FOXO3: variants seen among roughly 807,000 people sequenced by gnomAD.
FOXO3 encodes forkhead box O3.
In FOXO3, 4 loss-of-function variants were observed where a neutral mutation model predicts 41.9. That is an observed-to-expected ratio of 0.10 (90% CI 0.05 to 0.22). FOXO3 has a LOEUF of 0.22. Ranked by LOEUF, FOXO3 falls within the 10% of genes least tolerant of loss-of-function variation. The pLI is 1.00. For missense variants in FOXO3, 534 were observed against 906.8 expected, an observed-to-expected ratio of 0.59 and a Z score of 5.28; for synonymous variants, 318 against 389.3, an observed-to-expected ratio of 0.82 and a Z score of 2.16.
intron 1 of FOXO3, among the ~76,000 whole-genome samples, chr6:108,613,363 T>G (rs1253979052): frequency 2.3e-5 from 1 of 42,926 alleles, no homozygotes; most frequent in Non-Finnish European, 1.4e-4. Flanking sequence ...AGCCTGGAGT[T>G]TTTTTGTGTG....
chr6:108,636,301 A>C (rs1479317925), intron 1 of FOXO3, among the ~76,000 whole-genome samples: 1 of 152,232 alleles, frequency 6.6e-6, no homozygotes, highest in Non-Finnish European at 1.5e-5. Context: ...TTGATCTCAC[A>C]GAGAATACAG....
intron 1 of FOXO3, among the ~76,000 whole-genome samples, chr6:108,632,757 G>GTGTA (rs1778010284): frequency 6.6e-6 from 1 of 152,174 alleles, no homozygotes; most frequent in African/African-American, 2.4e-5. Flanking sequence ...GCCAAGTACA[G>GTGTA]TGTAGAAAAC....
intron 1 of FOXO3, chr6:108,639,615 G>A: frequency 1.0e-6 from 1 of 983,940 alleles, no homozygotes; most frequent in Non-Finnish European, 1.2e-6. Flanking sequence ...AACAGGTTTG[G>A]TTTGCTCCTG....
intron 1 of FOXO3, among the ~76,000 whole-genome samples, chr6:108,629,696 T>C (rs1430517525): frequency 6.6e-6 from 1 of 152,126 alleles, no homozygotes; most frequent in Non-Finnish European, 1.5e-5. Flanking sequence ...ACAGGAGATA[T>C]TAAGTAAGAA....
Position 108,680,617 on chromosome 6 carries a change from C to T in FOXO3, c.*825C>T, listed in dbSNP as rs1400209593. The stretch of plus-strand genomic sequence containing the variant: ...AGGGCCTGTGATTTCCTGTCAGTGT[C>T]CTCAGCTAATGTGAACAGTGTTGGT... On this transcript the variant is annotated 3_prime_UTR_variant, in exon 3 of 3. Coordinates refer to ENST00000406360, the MANE Select transcript of FOXO3 (RefSeq NM_001455.4). 1.3e-5 allele frequency: 2 copies of T among 152,522 alleles called. No individual in the cohort carries two copies. The highest frequency in any genetic ancestry group is 2.9e-5 in the Non-Finnish European group (2 of 68,040). The allele number at this position is 152,522 out of a possible 1,614,324, so 9.4% of individuals were successfully genotyped here. A position where few individuals can be genotyped will look rare whatever the true frequency, so the allele number is the denominator to read the frequency against.
At position 108,684,120 on chromosome 6, in the gene FOXO3, C is replaced by T. The variant is rs969019154; in HGVS notation, c.*4328C>T. 1.8e-4 allele frequency: 28 copies of T among 152,550 alleles called. No individual in the cohort carries two copies. The highest frequency in any genetic ancestry group is 6.5e-4 in the African/African-American group (27 of 41,414). 9.4% of individuals were successfully genotyped at this position (152,550 alleles called of 1,614,324 possible). A position where few individuals can be genotyped will look rare whatever the true frequency, so the allele number is the denominator to read the frequency against. ...GGCCTCTTGCCACACTCCAGAAATA[C>T]GTGTGCGGCTGCTTTTAAGAACTAT... is the stretch of plus-strand genomic sequence containing the variant. On this transcript the variant is annotated 3_prime_UTR_variant, in exon 3 of 3. Coordinates refer to ENST00000406360, the MANE Select transcript of FOXO3 (RefSeq NM_001455.4).
intron 1 of FOXO3, among the ~76,000 whole-genome samples, chr6:108,640,772 T>C (rs1006226990): frequency 8.5e-5 from 13 of 152,192 alleles, no homozygotes; most frequent in Non-Finnish European, 1.6e-4. Context: ...GATCTTGCCC[T>C]TTTATGTTGG....
Position 108,676,880 on chromosome 6 carries a change from T to C in FOXO3, c.*35-2947T>C, listed in dbSNP as rs1040918784. The stretch of plus-strand genomic sequence containing the variant: ...ATTATTTTTATTACCCCAGTTTTCA[T>C]TGTAAATGGTGATTCTGGTGTTCCT... On this transcript the variant is annotated intron_variant, in intron 2 of 2. Coordinates refer to ENST00000406360, the MANE Select transcript of FOXO3 (RefSeq NM_001455.4). Among the ~76,000 whole-genome samples the C allele has an allele frequency of 4.6e-5, 7 of 152,252 alleles. No individual in the cohort carries two copies. In the East Asian group the frequency reaches 1.2e-3, roughly 25 times the overall value.
At chr6:108,581,429 AAG>A (rs1029911002) in intron 1 of FOXO3, among the ~76,000 whole-genome samples, 4 of 152,116 alleles carry the variant, frequency 2.6e-5, no homozygotes, top group African/African-American at 9.7e-5. Context: ...CTGGGTTTGG[AAG>A]AGTTAAGCCG....
At chr6:108,568,684 T>TCAGG (rs1231187744) in intron 1 of FOXO3, among the ~76,000 whole-genome samples, 1 of 152,190 alleles carries the variant, frequency 6.6e-6, no homozygotes, top group Non-Finnish European at 1.5e-5. Flanking sequence ...CTGATGTGAC[T>TCAGG]CAGGAGTGAG....
intron 1 of FOXO3, among the ~76,000 whole-genome samples, chr6:108,644,600 C>A (rs1483596301): frequency 6.6e-6 from 1 of 152,144 alleles, no homozygotes; most frequent in African/African-American, 2.4e-5. Context: ...TTTGTCTGAT[C>A]CCTGTTCTCT....
chr6:108,646,248 A>C (rs1778389511), intron 1 of FOXO3, among the ~76,000 whole-genome samples: 1 of 152,206 alleles, frequency 6.6e-6, no homozygotes. Context: ...TTCTATTTTC[A>C]AAGCTAAGTC....
chr6:108,629,447 G>A (rs1272895963), intron 1 of FOXO3, among the ~76,000 whole-genome samples: 1 of 152,118 alleles, frequency 6.6e-6, no homozygotes, highest in Non-Finnish European at 1.5e-5. Flanking sequence ...TGGTAGTTAG[G>A]GGTGTCAGTT....
chr6:108,628,130 T>C (rs1777864773), intron 1 of FOXO3, among the ~76,000 whole-genome samples: 1 of 152,202 alleles, frequency 6.6e-6, no homozygotes, highest in Non-Finnish European at 1.5e-5. Flanking sequence ...AGAGACCAAG[T>C]GCTCAATAAC....
rs561457996 is a variant in FOXO3, at chr6:108,577,558, C to T, written c.621+15729C>T. On this transcript the variant is annotated intron_variant, in intron 1 of 2. Coordinates refer to ENST00000406360, the MANE Select transcript of FOXO3 (RefSeq NM_001455.4). ...CTGCATTTTAGAATCACCTGGAGAGCTTTCAAAACCACCAGTGCCTAGGTA... is the reference window on the plus strand; with the variant it reads ...CTGCATTTTAGAATCACCTGGAGAGTTTTCAAAACCACCAGTGCCTAGGTA... Among the ~76,000 whole-genome samples, 48 of 152,316 alleles carry T rather than the reference C, an allele frequency of 3.2e-4. No individual in the cohort carries two copies. The East Asian group carries it at 8.7e-3, about 28-fold the overall frequency.
intron 1 of FOXO3, among the ~76,000 whole-genome samples, chr6:108,651,934 A>G (rs1247694509): frequency 2.0e-5 from 3 of 152,246 alleles, no homozygotes; most frequent in Non-Finnish European, 4.4e-5. Flanking sequence ...TTTCTGGCTC[A>G]ATAATAAACT....
intron 1 of FOXO3, among the ~76,000 whole-genome samples, chr6:108,612,788 G>A (rs1283731102): frequency 6.6e-6 from 1 of 151,504 alleles, no homozygotes; most frequent in Non-Finnish European, 1.5e-5. Flanking sequence ...CCAATACATT[G>A]TTGAATAGCA....
intron 1 of FOXO3, among the ~76,000 whole-genome samples, chr6:108,579,279 C>T (rs1776346181): frequency 6.6e-6 from 1 of 152,078 alleles, no homozygotes. Context: ...GGGTTTTCTT[C>T]TTGGGGGAGT....
At chr6:108,665,017 A>G in intron 2 of FOXO3, 128 bp downstream of exon 2, 3 of 1,029,068 alleles carry the variant, frequency 2.9e-6, no homozygotes, top group East Asian at 2.6e-5. Flanking sequence ...GGTGCACATA[A>G]TATGGCTCCC....
Sources: gnomAD v4.1 joint callset for allele counts (sites outside exome capture counted in the v4.1 genomes callset) on GRCh38, gnomAD v4.1.1 for gene constraint, MANE v1.5 for transcripts, NCBI Gene and HGNC (gene_info 2026-07-23, HGNC 2026-07-21) for gene names.